CRISPLD1: variants seen among roughly 807,000 people sequenced by gnomAD.
CRISPLD1 encodes cysteine rich secretory protein LCCL domain containing 1, also known as cysteine-rich secretory protein LCCL domain-containing 1.
In CRISPLD1, 60 loss-of-function variants were observed where a neutral mutation model predicts 77.5. The ratio of observed to expected loss-of-function variants is 0.77; its 90% CI spans 0.63 to 0.96. CRISPLD1 has a LOEUF of 0.96. Ranked by LOEUF, CRISPLD1 falls within the 40% of genes least tolerant of loss-of-function variation. The pLI is 0.00. For synonymous variants in CRISPLD1, 195 were observed against 200.1 expected, an observed-to-expected ratio of 0.97 and a Z score of 0.22; for missense variants, 623 against 615.8, an observed-to-expected ratio of 1.01 and a Z score of -0.12.
chr8:74,994,954 T>C (rs976959874), intron 2 of CRISPLD1, among the ~76,000 whole-genome samples: 19 of 152,230 alleles, frequency 1.2e-4, no homozygotes, highest in Middle Eastern at 6.8e-3. Context: ...CATATTAAAA[T>C]TGAGATTTAG....
intron 2 of CRISPLD1, chr8:75,000,499 A>G: frequency 2.2e-6 from 2 of 890,338 alleles, no homozygotes; most frequent in Non-Finnish European, 2.7e-6. Context: ...TTTGATGCTG[A>G]ACAAATCTTG....
intron 2 of CRISPLD1, among the ~76,000 whole-genome samples, chr8:74,988,375 C>T (rs1293289333): frequency 1.3e-5 from 2 of 152,118 alleles, no homozygotes; most frequent in African/African-American, 2.4e-5. Flanking sequence ...CCCTTATACC[C>T]TATGTGTCTG....
intron 2 of CRISPLD1, among the ~76,000 whole-genome samples, chr8:75,004,952 C>T (rs1381061906): frequency 6.6e-6 from 1 of 152,080 alleles, no homozygotes; most frequent in Non-Finnish European, 1.5e-5. Context: ...TCTTCTTACT[C>T]AACTAAATGG....
intron 2 of CRISPLD1, among the ~76,000 whole-genome samples, chr8:75,007,255 C>A (rs190231040): frequency 2.6e-5 from 4 of 152,104 alleles, no homozygotes; most frequent in East Asian, 3.9e-4. Context: ...ATCCTTAAAT[C>A]TTTTTAAGAG....
intron 6 of CRISPLD1, 21 bp downstream of exon 6, chr8:75,014,933 G>A (rs374104245): frequency 1.5e-5 from 22 of 1,471,868 alleles, no homozygotes; most frequent in Non-Finnish European, 1.9e-5. Flanking sequence ...TTGTGTTGTG[G>A]TATTCATGTT....
intron 2 of CRISPLD1, among the ~76,000 whole-genome samples, chr8:74,994,479 A>G (rs546720210): frequency 6.6e-6 from 1 of 152,164 alleles, no homozygotes; most frequent in Non-Finnish European, 1.5e-5. Flanking sequence ...GGATCCTTCA[A>G]CTTGCAAGGA....
chr8:75,027,761 C>T (rs1487384675), intron 13 of CRISPLD1, among the ~76,000 whole-genome samples: 1 of 152,170 alleles, frequency 6.6e-6, no homozygotes, highest in Non-Finnish European at 1.5e-5. Context: ...CTCCCTCCTT[C>T]CCTTCTCTTT....
Position 75,014,848 on chromosome 8 carries a change from G to A in CRISPLD1, c.663G>A (p.Gly221=). 6.3e-7 allele frequency: 1 copy of A among 1,589,294 alleles called. No homozygotes were observed. The highest frequency in any genetic ancestry group is 2.3e-5 in the East Asian group (1 of 43,084). The change falls in exon 6 of 15, where the codon GGG becomes GGA. Residue 221 remains glycine (G), a synonymous_variant. Transcript: ENST00000262207. ...NWWGHAPYKH[G]RPCSACPPSF... ...GGGGCCATGCCCCTTACAAACATGG[G>A]CGGCCCTGTTCTGCTTGCCCACCTA...
intron 2 of CRISPLD1, among the ~76,000 whole-genome samples, chr8:74,992,584 A>G (rs529035339): frequency 5.4e-4 from 83 of 152,340 alleles, no homozygotes; most frequent in African/African-American, 1.9e-3. Flanking sequence ...TCAACTATGT[A>G]AACTGTTTCT....
Position 75,016,560 on chromosome 8 carries a change from A to T in CRISPLD1, c.728-5A>T. The T allele has an allele frequency of 6.2e-7, 1 of 1,602,630 alleles. No homozygotes were observed. The highest frequency in any genetic ancestry group is 8.5e-7 in the Non-Finnish European group (1 of 1,175,200). On this transcript the variant is annotated splice_region_variant and splice_polypyrimidine_tract_variant and intron_variant, in intron 6 of 14. Transcript: ENST00000262207. ...AATATTTCCTAAATCTGCTTTCTCT[A>T]ACAGAAGGGTCAGACAGGTATTATC...
At chr8:75,002,894 A>G (rs950495165) in intron 2 of CRISPLD1, among the ~76,000 whole-genome samples, 3 of 152,216 alleles carry the variant, frequency 2.0e-5, no homozygotes, top group African/African-American at 7.2e-5. Flanking sequence ...CAGAGTTCTA[A>G]ATAAGGACTT....
At position 74,986,089 on chromosome 8, in the gene CRISPLD1, A is replaced by G. The variant is rs969789453; in HGVS notation, c.102A>G (p.Lys34=). The change falls in exon 2 of 15, where the codon AAA becomes AAG. Residue 34 remains lysine, a synonymous_variant. Coordinates refer to ENST00000262207, the MANE Select transcript of CRISPLD1 (RefSeq NM_031461.6). ...TTCCCAATGCCACTTTATTGGAGAA[A>G]CTTTTGGAAAAATACATGGATGAGG... ...MVVPNATLLE[K]LLEKYMDEDG... 6.2e-7 allele frequency: 1 copy of G among 1,614,000 alleles called. No individual in the cohort carries two copies. The highest frequency in any genetic ancestry group is 1.3e-5 in the African/African-American group (1 of 74,892).
intron 2 of CRISPLD1, among the ~76,000 whole-genome samples, chr8:74,998,474 A>G (rs1812679547): frequency 6.6e-6 from 1 of 151,998 alleles, no homozygotes; most frequent in Non-Finnish European, 1.5e-5. Context: ...GGATCACCTG[A>G]GGTCAGGAGT....
At chr8:75,023,374 C>T (rs548755316) in intron 12 of CRISPLD1, among the ~76,000 whole-genome samples, 1 of 152,258 alleles carries the variant, frequency 6.6e-6, no homozygotes, top group South Asian at 2.1e-4. Flanking sequence ...GATCAGTTTC[C>T]AGTCAAAGGG....
chr8:75,000,057 T>G, intron 2 of CRISPLD1: 1,086 of 745,474 alleles, frequency 1.5e-3, no homozygotes, highest in Non-Finnish European at 1.6e-3. Flanking sequence ...ACAAGGATAA[T>G]GAGCTATTAG....
At chr8:75,014,396 T>G (rs1461320949) in intron 5 of CRISPLD1, among the ~76,000 whole-genome samples, 1 of 152,150 alleles carries the variant, frequency 6.6e-6, no homozygotes, top group Admixed American at 6.6e-5. Flanking sequence ...TATTAGAGAT[T>G]AACAGCTATA....
chr8:74,989,946 C>G (rs1812547717), intron 2 of CRISPLD1, among the ~76,000 whole-genome samples: 1 of 152,064 alleles, frequency 6.6e-6, no homozygotes, highest in Non-Finnish European at 1.5e-5. Flanking sequence ...GAAATCATGT[C>G]TTTTGCAGCA....
Position 75,010,560 on chromosome 8 carries a change from T to A in CRISPLD1, c.259-1873T>A, listed in dbSNP as rs567204451. ...GTGTTCTGATTTCTTCACCCATCATTGATCTGAAGTTGCTTTTAGTCATGA... is the reference window on the plus strand; with the variant it reads ...GTGTTCTGATTTCTTCACCCATCATAGATCTGAAGTTGCTTTTAGTCATGA... On this transcript the variant is annotated intron_variant, in intron 2 of 14. Coordinates refer to ENST00000262207, the MANE Select transcript of CRISPLD1 (RefSeq NM_031461.6). 2.6e-4 allele frequency among the ~76,000 whole-genome samples: 39 copies of A among 152,262 alleles called. No homozygotes were observed. The East Asian group carries it at 6.4e-3, about 25-fold the overall frequency.
At chr8:75,029,320 G>A (rs905653191) in intron 13 of CRISPLD1, 67 bp from the exon 14 acceptor site, 1 of 1,510,870 alleles carries the variant, frequency 6.6e-7, no homozygotes, top group African/African-American at 1.4e-5. Flanking sequence ...ATTAATAATA[G>A]AAGAATAGGC....
Sources: gnomAD v4.1 joint callset for allele counts (sites outside exome capture counted in the v4.1 genomes callset) on GRCh38, gnomAD v4.1.1 for gene constraint, MANE v1.5 for transcripts, NCBI Gene and HGNC (gene_info 2026-07-23, HGNC 2026-07-21) for gene names.